Variants in SUGT1 observed in about 807,000 individuals in gnomAD.
SUGT1 encodes protein SGT1 homolog.
SUGT1 carries 15 observed loss-of-function variants against 56.1 expected under a neutral mutation model. That is an observed-to-expected ratio of 0.27 (90% confidence interval 0.18 to 0.41). The LOEUF (loss-of-function observed/expected upper bound fraction) is 0.41, where lower values mean the gene tolerates loss of function less well. Ranked by LOEUF, SUGT1 falls within the 10% of genes least tolerant of loss-of-function variation. SUGT1 has a pLI of 1.00. For missense variants in SUGT1, 347 were observed against 382.2 expected (o/e 0.91, Z 0.77); for synonymous variants, 123 against 128.6 (o/e 0.96, Z 0.30).
chr13:52,679,044 T>A (rs1963262616), intron 11 of SUGT1, among the ~76,000 whole-genome samples: 2 of 152,214 alleles, frequency 1.3e-5, no homozygotes. Context: ...AAATGTATTA[T>A]TAAACTGCAT....
At chr13:52,661,050 G>A (rs918839044) in intron 5 of SUGT1, among the ~76,000 whole-genome samples, 4 of 152,110 alleles carry the variant, frequency 2.6e-5, no homozygotes, top group African/African-American at 9.7e-5. Flanking sequence ...GGACTCAAGC[G>A]TTCTGCCTGC....
intron 10 of SUGT1, among the ~76,000 whole-genome samples, chr13:52,675,167 A>G (rs2138151921): frequency 6.6e-6 from 1 of 151,730 alleles, no homozygotes; most frequent in Non-Finnish European, 1.5e-5. Context: ...TTTCCCCTTC[A>G]CAGTCAGGTG....
Position 52,652,852 on chromosome 13 carries a change from C to G in SUGT1, c.-69C>G, listed in dbSNP as rs538169169. ...TTGGTGTTTCTCCAGAAGTTTCCCC[C>G]TTGGGCGGTGGTGGAGGTGGTAACC... On this transcript the variant is annotated 5_prime_UTR_variant, in exon 1 of 13. Coordinates refer to ENST00000310528, the MANE Select transcript of SUGT1 (RefSeq NM_006704.5). 4 of 1,577,844 alleles carry G rather than the reference C, an allele frequency of 2.5e-6. No individual in the cohort carries two copies. The highest frequency in any genetic ancestry group is 3.4e-6 in the Non-Finnish European group (4 of 1,160,488).
chr13:52,659,747 G>A (rs1249357692), intron 5 of SUGT1, among the ~76,000 whole-genome samples: 1 of 142,710 alleles, frequency 7.0e-6, no homozygotes, highest in African/African-American at 2.6e-5. Flanking sequence ...AAGTATCACA[G>A]TGGTGTGGAT....
In SUGT1 at chr13:52,694,005, A is replaced by G. The variant is rs538984192; in HGVS notation, c.*6170A>G. 2 of 152,366 alleles carry G rather than the reference A, an allele frequency of 1.3e-5. No homozygotes were observed. Among genetic ancestry groups the G allele is most frequent in the Non-Finnish European group, 2.9e-5 (2 of 68,028 alleles). 9.4% of individuals were successfully genotyped at this position (152,366 alleles called of 1,614,324 possible). On this transcript the variant is annotated 3_prime_UTR_variant, in exon 13 of 13. Coordinates refer to ENST00000310528, the MANE Select transcript of SUGT1 (RefSeq NM_006704.5). ...TAAGATATTAATAATAGAATATACAATATACCGCAATAAAACTTATGTGAA... is the reference window on the plus strand; with the variant it reads ...TAAGATATTAATAATAGAATATACAGTATACCGCAATAAAACTTATGTGAA...
chr13:52,674,897 T>A (rs1963082819), intron 10 of SUGT1, among the ~76,000 whole-genome samples: 1 of 152,146 alleles, frequency 6.6e-6, no homozygotes, highest in Admixed American at 6.5e-5. Context: ...TGATTGTGTG[T>A]GTTGGGGGCA....
intron 12 of SUGT1, 40 bp from the exon 13 acceptor site, chr13:52,687,694 T>C (rs1963649500): frequency 6.8e-7 from 1 of 1,469,140 alleles, no homozygotes; most frequent in Non-Finnish European, 9.2e-7. Flanking sequence ...ATTTTGATTA[T>C]ATGGTCCAGG....
At chr13:52,686,626 G>T (rs1963599552) in intron 12 of SUGT1, among the ~76,000 whole-genome samples, 1 of 152,100 alleles carries the variant, frequency 6.6e-6, no homozygotes, top group African/African-American at 2.4e-5. Flanking sequence ...TCGGACATGG[G>T]GTTACATTGA....
At position 52,666,218 on chromosome 13, in the gene SUGT1, TGGG is replaced by T. The variant is rs780262024; in HGVS notation, c.519+486_519+488del. On this transcript the variant is annotated intron_variant, in intron 9 of 12. Transcript: ENST00000310528. ...CTCCTGCCTCAGCCTCCTGAGTAGT[TGGG>T]ACTACAGGCACATGCCACCGTGCCT... 9.2e-3 allele frequency among the ~76,000 whole-genome samples: 1,408 copies of T among 152,296 alleles called. 28 individuals are homozygous for T. The highest frequency in any genetic ancestry group is 0.056 in the Admixed American group (857 of 15,300).
At chr13:52,658,361 A>G (rs1223970670) in intron 3 of SUGT1, 38 bp from the exon 4 acceptor site, 3 of 1,607,080 alleles carry the variant, frequency 1.9e-6, no homozygotes, top group East Asian at 4.5e-5. Flanking sequence ...GCTAGGATCT[A>G]TAAATAACTG....
intron 9 of SUGT1, 115 bp downstream of exon 9, chr13:52,665,848 TG>T: frequency 1.5e-6 from 1 of 673,046 alleles, no homozygotes; most frequent in African/African-American, 1.9e-5. Flanking sequence ...TGAGATGATT[TG>T]GAAAATGTTG....
Position 52,666,049 on chromosome 13 carries a change from G to A in SUGT1, c.519+316G>A, listed in dbSNP as rs12427788. 5.3e-3 allele frequency among the ~76,000 whole-genome samples: 808 copies of A among 152,294 alleles called. 30 individuals carry two copies. The highest frequency in any genetic ancestry group is 0.045 in the Admixed American group (695 of 15,294). On this transcript the variant is annotated intron_variant, in intron 9 of 12. Coordinates refer to ENST00000310528, the MANE Select transcript of SUGT1 (RefSeq NM_006704.5). ...TCTAGTTAGTTTTGTGATCACACATGTCTTAGAATTGACTAGCCATGTTAA... is the reference window on the plus strand; with the variant it reads ...TCTAGTTAGTTTTGTGATCACACATATCTTAGAATTGACTAGCCATGTTAA...
intron 12 of SUGT1, chr13:52,687,361 A>G (rs1963638101): frequency 7.0e-6 from 1 of 143,306 alleles, no homozygotes; most frequent in Non-Finnish European, 1.5e-5. Flanking sequence ...TCTTCAGCAA[A>G]AGAGATTATA....
At chr13:52,654,390 T>C (rs1962061781) in intron 2 of SUGT1, among the ~76,000 whole-genome samples, 1 of 152,244 alleles carries the variant, frequency 6.6e-6, no homozygotes, top group South Asian at 2.1e-4. Context: ...TAAAAGTTGC[T>C]TTTAAACAGT....
At position 52,691,608 on chromosome 13, in the gene SUGT1, G is replaced by A. The variant is rs1963780194; in HGVS notation, c.*3773G>A. ...TTACTGACATTTCCAAAAAAAGGTA[G>A]ACGGTTTCTAGGTGGTGTGTGTTTT... On this transcript the variant is annotated 3_prime_UTR_variant, in exon 13 of 13. Transcript: ENST00000310528. 2 of 152,174 alleles carry A rather than the reference G, an allele frequency of 1.3e-5. No homozygotes were observed. The highest frequency in any genetic ancestry group is 2.9e-5 in the Non-Finnish European group (2 of 68,036). 9.4% of individuals were successfully genotyped at this position (152,174 alleles called of 1,614,324 possible).
chr13:52,688,016 A>G lies in SUGT1; in HGVS notation c.*181A>G, dbSNP rs1033225555. 1 of 422,122 alleles carries G rather than the reference A, an allele frequency of 2.4e-6. No individual in the cohort carries two copies. The allele number at this position is 422,122 out of a possible 1,614,324, so 26.1% of individuals were successfully genotyped here. A position where few individuals can be genotyped will look rare whatever the true frequency, so the allele number is the denominator to read the frequency against. On this transcript the variant is annotated 3_prime_UTR_variant, in exon 13 of 13. Transcript: ENST00000310528. ...AAGTCTAATGAAGAATGAAGATAACATTTTATCACTTCTGTCCTTAAAGGT... is the reference window on the plus strand; with the variant it reads ...AAGTCTAATGAAGAATGAAGATAACGTTTTATCACTTCTGTCCTTAAAGGT...
rs1963853179 is a variant in SUGT1, at chr13:52,693,997, A to G, written c.*6162A>G. On this transcript the variant is annotated 3_prime_UTR_variant, in exon 13 of 13. Transcript: ENST00000310528. ...AGGCACAGTAAGATATTAATAATAG[A>G]ATATACAATATACCGCAATAAAACT... The G allele has an allele frequency of 6.6e-6, 1 of 152,218 alleles. No individual in the cohort carries two copies. Among genetic ancestry groups the G allele is most frequent in the African/African-American group, 2.4e-5 (1 of 41,454 alleles). 9.4% of individuals were successfully genotyped at this position (152,218 alleles called of 1,614,324 possible).
In SUGT1 at chr13:52,662,646, T is replaced by C; in HGVS notation, c.329-3T>C. 2 of 1,613,792 alleles carry C rather than the reference T, an allele frequency of 1.2e-6. No individual in the cohort carries two copies. Among genetic ancestry groups the C allele is most frequent in the African/African-American group, 1.3e-5 (1 of 75,042 alleles). ...GATGTTATAGTCAGTTTTTTCTTTC[T>C]AGGTGCAGATGCTAATTTCAGTGTC... On this transcript the variant is annotated splice_polypyrimidine_tract_variant and splice_region_variant and intron_variant, in intron 5 of 12. Transcript: ENST00000310528.
intron 9 of SUGT1, 93 bp downstream of exon 9, chr13:52,665,826 G>T: frequency 1.3e-6 from 1 of 786,716 alleles, no homozygotes; most frequent in Non-Finnish European, 1.9e-6. Context: ...TCAGATAAAT[G>T]CTATTTCTTC....
Sources: allele counts gnomAD v4.1 joint callset (sites outside exome capture counted in the v4.1 genomes callset), GRCh38; gene constraint gnomAD v4.1.1; transcripts MANE v1.5; gene names NCBI Gene and HGNC (gene_info 2026-07-23, HGNC 2026-07-21).